Variants in RBFOX1 observed in about 807,000 individuals in gnomAD.
RBFOX1 encodes RNA binding protein fox-1 homolog 1.
A neutral mutation model predicts 57.7 loss-of-function variants in RBFOX1; 8 were observed. The ratio of observed to expected loss-of-function variants is 0.14; its 90% confidence interval spans 0.08 to 0.25. RBFOX1 has a LOEUF of 0.25. Ranked by LOEUF, RBFOX1 falls within the 10% of genes least tolerant of loss-of-function variation. The pLI, the probability that RBFOX1 is intolerant of heterozygous loss-of-function variation, is 1.00. For synonymous variants in RBFOX1, 326 were observed against 222.4 expected (o/e 1.47, Z -4.15); for missense variants, 611 against 548.5 (o/e 1.11, Z -1.14).
intron 1 of RBFOX1, among the ~76,000 whole-genome samples, chr16:6,204,269 A>C (rs1474588459): frequency 6.6e-6 from 1 of 152,150 alleles, no homozygotes; most frequent in Non-Finnish European, 1.5e-5. Context: ...GAAAATGGGA[A>C]TACAAAATTT....
At chr16:6,018,057 C>A (rs2095008026), upstream of RBFOX1, among the ~76,000 whole-genome samples, 1 of 152,162 alleles carries the variant, frequency 6.6e-6, no homozygotes, top group Non-Finnish European at 1.5e-5. Context: ...AGTCCTGGTT[C>A]CTTGCCAGCT....
chr16:6,114,948 T>TCAGTTACA (rs1246780474), intron 1 of RBFOX1, among the ~76,000 whole-genome samples: 1 of 152,190 alleles, frequency 6.6e-6, no homozygotes, highest in Admixed American at 6.5e-5. Flanking sequence ...TAGACCATTT[T>TCAGTTACA]CAGTTACATG....
chr16:6,706,746 G>A (rs2062817713), intron 3 of RBFOX1, among the ~76,000 whole-genome samples: 1 of 148,020 alleles, frequency 6.8e-6, no homozygotes, highest in Non-Finnish European at 1.5e-5. Flanking sequence ...GTGTGGCAGA[G>A]TTCCAATCTT....
intron 2 of RBFOX1, among the ~76,000 whole-genome samples, chr16:6,340,776 A>G (rs183281190): frequency 1.3e-5 from 2 of 152,190 alleles, no homozygotes; most frequent in East Asian, 1.9e-4. Context: ...ATTCCTTACT[A>G]TCTGGGAATG....
chr16:7,587,165 C>T (rs370202526), intron 6 of RBFOX1, 82 bp from the exon 7 acceptor site: 57 of 1,315,194 alleles, frequency 4.3e-5, no homozygotes, highest in East Asian at 3.9e-4. Flanking sequence ...AAAAAATGGA[C>T]GTGGGAAACA....
At chr16:7,357,761 T>C (rs571240131) in intron 4 of RBFOX1, among the ~76,000 whole-genome samples, 238 of 152,310 alleles carry the variant, frequency 1.6e-3, no homozygotes, top group African/African-American at 5.6e-3. Context: ...CAAGTGGTGC[T>C]TTAACTCTTT....
At chr16:6,601,610 C>G (rs74519404) in intron 2 of RBFOX1, among the ~76,000 whole-genome samples, 17,656 of 152,154 alleles carry the variant, frequency 0.12, 1,114 homozygotes, top group African/African-American at 0.17. Flanking sequence ...CATCCTATCC[C>G]CAGTCCAATC....
chr16:5,937,605 T>G (rs542998102), intron 4 of RBFOX1, among the ~76,000 whole-genome samples: 2 of 150,672 alleles, frequency 1.3e-5, no homozygotes, highest in Non-Finnish European at 3.0e-5. Context: ...CAGTTTTATA[T>G]ATATAGCTAC....
chr16:5,592,580 C>G (rs1051989760), intron 2 of RBFOX1, among the ~76,000 whole-genome samples: 2 of 152,044 alleles, frequency 1.3e-5, no homozygotes, highest in Non-Finnish European at 2.9e-5. Flanking sequence ...CCATGCCTGG[C>G]TAATTTTTGT....
At chr16:7,607,445 A>G (rs1213364469) in intron 10 of RBFOX1, 107 bp downstream of exon 10, 5 of 1,022,132 alleles carry the variant, frequency 4.9e-6, no homozygotes, top group South Asian at 1.4e-5. Flanking sequence ...GTGAATTCCT[A>G]TCCTAACAAG....
chr16:6,871,737 G>C (rs2060921025), intron 3 of RBFOX1, among the ~76,000 whole-genome samples: 1 of 152,036 alleles, frequency 6.6e-6, no homozygotes, highest in African/African-American at 2.4e-5. Context: ...TCTGTTACAT[G>C]ATCGCCATCA....
At chr16:6,129,528 A>G (rs1195820561) in intron 1 of RBFOX1, among the ~76,000 whole-genome samples, 2 of 152,138 alleles carry the variant, frequency 1.3e-5, no homozygotes, top group Non-Finnish European at 2.9e-5. Context: ...GATCTGTGGG[A>G]GAGTATCAAG....
chr16:6,889,339 A>G (rs1318758798), intron 3 of RBFOX1, among the ~76,000 whole-genome samples: 1 of 152,192 alleles, frequency 6.6e-6, no homozygotes, highest in African/African-American at 2.4e-5. Context: ...ATTTACGAGT[A>G]TGCATGTGCC....
chr16:6,585,217 T>C (rs112493250), intron 2 of RBFOX1, among the ~76,000 whole-genome samples: 7 of 152,300 alleles, frequency 4.6e-5, no homozygotes, highest in African/African-American at 1.7e-4. Context: ...AATTCCTTAA[T>C]AGATAACTAT....
At chr16:5,775,886 A>T (rs13331076) in intron 3 of RBFOX1, among the ~76,000 whole-genome samples, 15,960 of 152,116 alleles carry the variant, frequency 0.1, 914 homozygotes, top group South Asian at 0.13. Flanking sequence ...GGGCCAGACA[A>T]TTGTTCTCCT....
intron 14 of RBFOX1, among the ~76,000 whole-genome samples, chr16:7,702,257 A>C (rs763757497): frequency 3.9e-5 from 6 of 152,194 alleles, no homozygotes; most frequent in Non-Finnish European, 8.8e-5. Context: ...AGGTGTCCTA[A>C]GCTCGGAATT....
intron 2 of RBFOX1, among the ~76,000 whole-genome samples, chr16:6,590,508 G>C (rs1031987415): frequency 6.6e-6 from 1 of 152,152 alleles, no homozygotes; most frequent in South Asian, 2.1e-4. Context: ...GTCCTTTATA[G>C]CTTTCGGGAG....
Position 7,676,809 on chromosome 16 carries a change from C to G in RBFOX1, c.966C>G (p.Thr322=), listed in dbSNP as rs762645341. 1.3e-5 allele frequency: 21 copies of G among 1,613,248 alleles called. No homozygotes were observed. In the South Asian group the frequency reaches 2.0e-4, roughly 15 times the overall value. ...CTGCATACCGCTACGCCCAGCCTAC[C>G]CCTGCCACTGCCGCTGCCTACAGTG... ...GYAAYRYAQP[T]PATAAAYSDS... The change falls in exon 14 of 16, where the codon ACC becomes ACG. Residue 322 remains threonine (T), a synonymous_variant. Transcript: ENST00000550418.
intron 4 of RBFOX1, among the ~76,000 whole-genome samples, chr16:7,252,199 C>A (rs1203258424): frequency 1.3e-5 from 2 of 152,218 alleles, no homozygotes; most frequent in African/African-American, 2.4e-5. Flanking sequence ...GGAGCTGGTT[C>A]TCCTTTGAGA....
Sources: allele counts gnomAD v4.1 joint callset (sites outside exome capture counted in the v4.1 genomes callset), GRCh38; gene constraint gnomAD v4.1.1; transcripts MANE v1.5; gene names NCBI Gene and HGNC (gene_info 2026-07-23, HGNC 2026-07-21).